The following STYK1 variants were observed in gnomAD, a reference collection of about 807,000 sequenced individuals.
STYK1 encodes the protein STY kinase 1.
In STYK1, 46 loss-of-function variants were observed where a neutral mutation model predicts 48.1. The observed-to-expected ratio is 0.96, with a 90% CI of 0.75 to 1.22. The LOEUF (loss-of-function observed/expected upper bound fraction) is 1.22. Among genes scored for constraint, STYK1 ranks in the 50% most tolerant of loss-of-function variants. The pLI is 0.00. For missense variants in STYK1, 527 were observed against 521.1 expected, an observed-to-expected ratio of 1.01 and a Z score of -0.11; for synonymous variants, 188 against 189.0, an observed-to-expected ratio of 0.99 and a Z score of 0.04.
chr12:10,647,210 C>G (rs918137280), intron 1 of STYK1, among the ~76,000 whole-genome samples: 1 of 152,240 alleles, frequency 6.6e-6, no homozygotes, highest in Admixed American at 6.5e-5. Flanking sequence ...GCTGCAGACA[C>G]TCAACACCAG....
At chr12:10,631,780 C>A (rs1947432154) in intron 4 of STYK1, among the ~76,000 whole-genome samples, 1 of 152,088 alleles carries the variant, frequency 6.6e-6, no homozygotes, top group Non-Finnish European at 1.5e-5. Context: ...TTGAGTTACC[C>A]CAAAAGTCAA....
chr12:10,663,048 A>G (rs747816124), intron 1 of STYK1, among the ~76,000 whole-genome samples: 1 of 152,168 alleles, frequency 6.6e-6, no homozygotes, highest in Non-Finnish European at 1.5e-5. Context: ...TGAATATCCA[A>G]TTGTCCCAGC....
At chr12:10,620,400 G>A in intron 10 of STYK1, 52 bp from the exon 11 acceptor site, 1 of 1,552,854 alleles carries the variant, frequency 6.4e-7, no homozygotes, top group Non-Finnish European at 8.8e-7. Flanking sequence ...AATGTATGGG[G>A]AGCATGTCTC....
At chr12:10,648,478 C>T (rs1360443818) in intron 1 of STYK1, among the ~76,000 whole-genome samples, 2 of 151,836 alleles carry the variant, frequency 1.3e-5, no homozygotes, top group East Asian at 3.9e-4. Flanking sequence ...AATGAGTTCA[C>T]TGAAACAAAA....
At chr12:10,669,442 T>C (rs571992457) in intron 1 of STYK1, among the ~76,000 whole-genome samples, 2 of 151,274 alleles carry the variant, frequency 1.3e-5, no homozygotes, top group Admixed American at 6.6e-5. Flanking sequence ...TAAAAATAGA[T>C]AATATACTCA....
Position 10,627,636 on chromosome 12 carries a change from C to G in STYK1, c.717+5G>C. The G allele has an allele frequency of 6.2e-7, 1 of 1,611,902 alleles. No homozygotes were observed. The highest frequency in any genetic ancestry group is 8.5e-7 in the Non-Finnish European group (1 of 1,179,286). On this transcript the variant is annotated splice_donor_5th_base_variant and intron_variant, in intron 7 of 10. Transcript: ENST00000075503. ...ACCATCAGTTGTCATGTTGCCTCAT[C>G]TTACCAGCGCCAAAAGGACCTGCTT...
chr12:10,649,917 C>T (rs1947641961), intron 1 of STYK1, among the ~76,000 whole-genome samples: 1 of 151,844 alleles, frequency 6.6e-6, no homozygotes, highest in South Asian at 2.1e-4. Flanking sequence ...TCGAGACCAT[C>T]CTGGCTAACA....
chr12:10,635,347 GAC>G (rs1199798575), intron 2 of STYK1, among the ~76,000 whole-genome samples: 5 of 152,144 alleles, frequency 3.3e-5, no homozygotes, highest in Admixed American at 6.5e-5. Flanking sequence ...ATAAAAAATT[GAC>G]AGATGTCGAA....
In STYK1 at chr12:10,631,390, A is replaced by G. The variant is rs148818207; in HGVS notation, c.188-82T>C. On this transcript the variant is annotated intron_variant, in intron 4 of 10. Coordinates refer to ENST00000075503, the MANE Select transcript of STYK1 (RefSeq NM_018423.3). ...CAGACCCTGAAACAAATTGGCAAGG[A>G]GGTTCCTTCAGCAGTTTTCTCTTTG... 2.7e-3 allele frequency: 4,201 copies of G among 1,540,542 alleles called. 197 individuals carry two copies. The Admixed American group carries it at 0.071, about 26-fold the overall frequency.
intron 5 of STYK1, among the ~76,000 whole-genome samples, 168 bp downstream of exon 5, chr12:10,630,877 A>T (rs1044344254): frequency 1.3e-5 from 2 of 150,588 alleles, no homozygotes; most frequent in African/African-American, 4.9e-5. Flanking sequence ...TTGTGTAATT[A>T]AAAAAAAAGA....
intron 2 of STYK1, 150 bp from the exon 3 acceptor site, chr12:10,634,836 T>C: frequency 1.7e-6 from 1 of 574,328 alleles, no homozygotes; most frequent in Non-Finnish European, 3.1e-6. Flanking sequence ...ACCTAGCTGA[T>C]ATTCAGGTTG....
intron 5 of STYK1, among the ~76,000 whole-genome samples, chr12:10,630,455 A>G (rs2120638593): frequency 6.6e-6 from 1 of 151,478 alleles, no homozygotes; most frequent in South Asian, 2.1e-4. Flanking sequence ...TAAAATGAGG[A>G]AACAACCTCA....
chr12:10,648,489 T>C (rs1014931814), intron 1 of STYK1, among the ~76,000 whole-genome samples: 3 of 152,008 alleles, frequency 2.0e-5, no homozygotes, highest in Non-Finnish European at 4.4e-5. Flanking sequence ...TGAAACAAAA[T>C]GTTTAACAAA....
At chr12:10,628,961 T>A (rs1158862971) in intron 6 of STYK1, among the ~76,000 whole-genome samples, 2 of 152,202 alleles carry the variant, frequency 1.3e-5, no homozygotes, top group African/African-American at 4.8e-5. Flanking sequence ...GTTATATAAT[T>A]ATCTTTATAA....
At chr12:10,644,337 C>A (rs1026565902) in intron 1 of STYK1, among the ~76,000 whole-genome samples, 2 of 152,252 alleles carry the variant, frequency 1.3e-5, no homozygotes, top group African/African-American at 4.8e-5. Context: ...TGTGTGAATG[C>A]AAAAACTGAA....
intron 1 of STYK1, among the ~76,000 whole-genome samples, chr12:10,652,549 T>A (rs577509157): frequency 2.2e-4 from 33 of 152,222 alleles, no homozygotes; most frequent in Admixed American, 8.5e-4. Context: ...AGGCCATCTC[T>A]TCTGAAGTAC....
chr12:10,664,307 C>T (rs951673225), intron 1 of STYK1, among the ~76,000 whole-genome samples: 4 of 152,134 alleles, frequency 2.6e-5, no homozygotes, highest in Non-Finnish European at 5.9e-5. Context: ...ATTCACATCC[C>T]TAACTTCCTA....
intron 4 of STYK1, 130 bp downstream of exon 4, chr12:10,633,859 GA>G (rs1947455711): frequency 8.9e-7 from 1 of 1,123,528 alleles, no homozygotes; most frequent in Non-Finnish European, 1.3e-6. Context: ...AACTCCATGG[GA>G]GGGAACCCAT....
chr12:10,645,716 T>C (rs905191972), intron 1 of STYK1, among the ~76,000 whole-genome samples: 2 of 152,150 alleles, frequency 1.3e-5, no homozygotes, highest in African/African-American at 4.8e-5. Flanking sequence ...TTTTAAAAAA[T>C]ATCAATCCTG....
Sources: allele counts gnomAD v4.1 joint callset (sites outside exome capture counted in the v4.1 genomes callset), GRCh38; gene constraint gnomAD v4.1.1; transcripts MANE v1.5; gene names NCBI Gene and HGNC (gene_info 2026-07-23, HGNC 2026-07-21).